Variants in TSC22D1 observed in about 807,000 individuals in gnomAD.
TSC22D1 encodes TSC22 domain family protein 1.
In TSC22D1, 9 loss-of-function variants were observed where a neutral mutation model predicts 74.2. That is an observed-to-expected ratio of 0.12 (90% CI 0.07 to 0.21). The LOEUF (loss-of-function observed/expected upper bound fraction) is 0.21, where lower values mean the gene tolerates loss of function less well. Ranked by LOEUF, TSC22D1 falls within the 10% of genes least tolerant of loss-of-function variation. The probability of loss-of-function intolerance (pLI) is 1.00; values close to 1 mark genes in which losing one functional copy is unlikely to be tolerated. For missense variants in TSC22D1, 1,427 were observed against 1,304.7 expected, an observed-to-expected ratio of 1.09 and a Z score of -1.44; for synonymous variants, 586 against 492.5, an observed-to-expected ratio of 1.19 and a Z score of -2.51.
At chr13:44,566,570 A>C (rs1298908690) in intron 1 of TSC22D1, among the ~76,000 whole-genome samples, 2 of 152,336 alleles carry the variant, frequency 1.3e-5, no homozygotes, top group African/African-American at 4.8e-5. Context: ...AATTAAAATT[A>C]GCATCATTCA....
chr13:44,489,720 G>A lies in TSC22D1; in HGVS notation c.2913-53625C>T, dbSNP rs117680969. On this transcript the variant is annotated intron_variant, in intron 1 of 2. Coordinates refer to ENST00000458659, the MANE Select transcript of TSC22D1 (RefSeq NM_183422.4). ...AAATAAAAAAGAAAAATAGGCAAGA[G>A]ACTTTAACAGGCATTTTATAAAATA... Among the ~76,000 whole-genome samples the A allele has an allele frequency of 8.6e-5, 13 of 151,854 alleles. No individual in the cohort carries two copies. In the East Asian group the frequency reaches 2.5e-3, roughly 29 times the overall value.
chr13:44,437,683 T>C (rs1874836798), intron 1 of TSC22D1, among the ~76,000 whole-genome samples: 2 of 152,196 alleles, frequency 1.3e-5, no homozygotes, highest in Non-Finnish European at 2.9e-5. Context: ...AATCTATTTT[T>C]AGTTAAGTCC....
intron 1 of TSC22D1, among the ~76,000 whole-genome samples, chr13:44,486,058 A>C (rs1878415615): frequency 6.6e-6 from 1 of 152,096 alleles, no homozygotes; most frequent in Non-Finnish European, 1.5e-5. Flanking sequence ...AATCCAAAGC[A>C]AAAATCTTAA....
At chr13:44,475,228 G>A (rs1302810414) in intron 1 of TSC22D1, among the ~76,000 whole-genome samples, 1 of 152,014 alleles carries the variant, frequency 6.6e-6, no homozygotes, top group African/African-American at 2.4e-5. Context: ...AAATTTTGTA[G>A]TAGAAAAAAG....
chr13:44,560,649 A>G (rs1359789610), intron 1 of TSC22D1, among the ~76,000 whole-genome samples: 1 of 152,238 alleles, frequency 6.6e-6, no homozygotes, highest in Non-Finnish European at 1.5e-5. Context: ...ACAGGAAAAA[A>G]GCAATATAGA....
chr13:44,544,700 A>G (rs1436262854), intron 1 of TSC22D1, among the ~76,000 whole-genome samples: 2 of 152,156 alleles, frequency 1.3e-5, no homozygotes, highest in Admixed American at 6.5e-5. Flanking sequence ...TTAGAGCTCA[A>G]CATCTAGCCA....
At chr13:44,536,138 C>A (rs959082212) in intron 1 of TSC22D1, among the ~76,000 whole-genome samples, 25 of 151,904 alleles carry the variant, frequency 1.6e-4, no homozygotes, top group African/African-American at 5.5e-4. Flanking sequence ...ACCCCCAATA[C>A]AACAGCTATT....
chr13:44,554,904 C>T (rs1014449950), intron 1 of TSC22D1, among the ~76,000 whole-genome samples: 7 of 152,020 alleles, frequency 4.6e-5, no homozygotes, highest in African/African-American at 1.7e-4. Context: ...TGTGTTAAGC[C>T]TAATTCAGAT....
chr13:44,491,349 C>T (rs1053489756), intron 1 of TSC22D1, among the ~76,000 whole-genome samples: 1 of 151,964 alleles, frequency 6.6e-6, no homozygotes, highest in Non-Finnish European at 1.5e-5. Flanking sequence ...GTCAGGAGAT[C>T]GAGACCATCC....
intron 1 of TSC22D1, 153 bp from the exon 2 acceptor site, chr13:44,436,248 C>A (rs1874612407): frequency 3.1e-6 from 3 of 973,966 alleles, no homozygotes; most frequent in Non-Finnish European, 4.6e-6. Flanking sequence ...AAAATGCCAG[C>A]CCCTCTCTTA....
intron 1 of TSC22D1, among the ~76,000 whole-genome samples, chr13:44,515,030 A>G (rs1389285738): frequency 2.6e-5 from 4 of 152,202 alleles, no homozygotes; most frequent in Non-Finnish European, 4.4e-5. Flanking sequence ...ATCCATTGCT[A>G]GTGGGAGGGT....
At position 44,553,130 on chromosome 13, in the gene TSC22D1, T is replaced by C. The variant is rs113256873; in HGVS notation, c.2912+20033A>G. Among the ~76,000 whole-genome samples the C allele has an allele frequency of 3.0e-3, 455 of 152,328 alleles. 4 individuals are homozygous for C. The highest frequency in any genetic ancestry group is 0.01 in the African/African-American group (430 of 41,586). On this transcript the variant is annotated intron_variant, in intron 1 of 2. Coordinates refer to ENST00000458659, the MANE Select transcript of TSC22D1 (RefSeq NM_183422.4). ...TACATGACCAACGACATTTCTCATA[T>C]ATAAAATGAAGCAAACGAACATTTC... is the stretch of plus-strand genomic sequence containing the variant.
chr13:44,558,289 A>C (rs1015952038), intron 1 of TSC22D1, among the ~76,000 whole-genome samples: 3 of 152,232 alleles, frequency 2.0e-5, no homozygotes, highest in African/African-American at 7.2e-5. Flanking sequence ...TTAACTTCAC[A>C]ATATTTTATT....
intron 1 of TSC22D1, among the ~76,000 whole-genome samples, chr13:44,501,894 T>A (rs1354674623): frequency 6.6e-6 from 1 of 152,234 alleles, no homozygotes; most frequent in Non-Finnish European, 1.5e-5. Flanking sequence ...AACAGCCAGT[T>A]CTTCACACTT....
intron 1 of TSC22D1, among the ~76,000 whole-genome samples, chr13:44,513,760 G>A (rs550659957): frequency 1.4e-4 from 21 of 152,272 alleles, no homozygotes; most frequent in South Asian, 4.1e-4. Flanking sequence ...ATGCTGAACC[G>A]CAGTAGAGAA....
intron 1 of TSC22D1, among the ~76,000 whole-genome samples, chr13:44,546,097 G>A (rs1881809982): frequency 6.6e-6 from 1 of 151,998 alleles, no homozygotes; most frequent in Non-Finnish European, 1.5e-5. Flanking sequence ...ATTCCTTTGG[G>A]TCTTTATCCA....
At chr13:44,531,609 A>T (rs577796520) in intron 1 of TSC22D1, among the ~76,000 whole-genome samples, 1 of 152,280 alleles carries the variant, frequency 6.6e-6, no homozygotes, top group South Asian at 2.1e-4. Context: ...ATTCTTTCTA[A>T]ATCAGGCAAG....
intron 1 of TSC22D1, among the ~76,000 whole-genome samples, chr13:44,509,724 G>A (rs1232441547): frequency 5.9e-5 from 9 of 151,996 alleles, no homozygotes; most frequent in African/African-American, 1.9e-4. Context: ...GAATAGGAAA[G>A]TTTCAACAGA....
intron 1 of TSC22D1, among the ~76,000 whole-genome samples, chr13:44,559,473 T>C (rs1348215035): frequency 6.6e-6 from 1 of 152,146 alleles, no homozygotes; most frequent in Non-Finnish European, 1.5e-5. Flanking sequence ...GTACTGGTCA[T>C]TGTCAAAAGT....
Sources: allele counts gnomAD v4.1 joint callset (sites outside exome capture counted in the v4.1 genomes callset), GRCh38; gene constraint gnomAD v4.1.1; transcripts MANE v1.5; gene names NCBI Gene and HGNC (gene_info 2026-07-23, HGNC 2026-07-21).